Variants in HMCN1 observed in about 807,000 individuals in gnomAD.
HMCN1 encodes hemicentin 1.
In HMCN1, 321 loss-of-function variants were observed where a neutral mutation model predicts 625.9. That is an observed-to-expected ratio of 0.51 (90% CI 0.47 to 0.56). The LOEUF (loss-of-function observed/expected upper bound fraction) is 0.56, where lower values mean the gene tolerates loss of function less well. Among genes scored for constraint, HMCN1 ranks in the 20% least tolerant of loss-of-function variants. The pLI is 0.00. For missense variants in HMCN1, 6,588 were observed against 6,887.3 expected (o/e 0.96, Z 1.54); for synonymous variants, 2,425 against 2,417.6 (o/e 1.00, Z -0.09).
intron 1 of HMCN1, among the ~76,000 whole-genome samples, chr1:185,829,413 C>T (rs1342052560): frequency 6.6e-6 from 1 of 152,156 alleles, no homozygotes; most frequent in Non-Finnish European, 1.5e-5. Flanking sequence ...CCCCTCACCC[C>T]TTACCCCCCA....
In HMCN1 at chr1:186,132,504, A is replaced by T. The variant is rs750122395; in HGVS notation, c.13312+95A>T. The stretch of plus-strand genomic sequence containing the variant: ...TCTTTAACTCTATAGCAAGTTCATT[A>T]GTGGTAGCTCTCAGAGTGTGTCTAA... On this transcript the variant is annotated intron_variant, in intron 86 of 106. Transcript: ENST00000271588. The T allele has an allele frequency of 7.2e-6, 7 of 975,280 alleles. No individual in the cohort carries two copies. In the Admixed American group the frequency reaches 8.0e-5, roughly 11 times the overall value. The allele number at this position is 975,280 out of a possible 1,614,324, so 60.4% of individuals were successfully genotyped here.
In HMCN1 at chr1:186,137,605, G is replaced by T; in HGVS notation, c.13690G>T (p.Gly4564Cys). 6.2e-7 allele frequency: 1 copy of T among 1,614,000 alleles called. No individual in the cohort carries two copies. Among genetic ancestry groups the T allele is most frequent in the Non-Finnish European group, 8.5e-7 (1 of 1,179,974 alleles). ...GTGCAACCAGCCCCTTCCAGCCAAT[G>T]GTGGGAAGCCCTGCCAAGGTTCAGA... ...RLCNQPLPAN[G>C]GKPCQGSDLE... Residue 4564 changes from glycine (G) to cysteine (C), a missense_variant, in exon 88 of 107, where the codon GGT (glycine) becomes TGT (cysteine). Gly to Cys is a radical substitution (Grantham distance 159). Around this residue, in one of 3 missense-constraint regions of HMCN1, gnomAD observed 1,954 missense variants for 2,013.1 expected, o/e 0.97. Coordinates refer to ENST00000271588, the MANE Select transcript of HMCN1 (RefSeq NM_031935.3).
chr1:185,757,388 C>T (rs1192258409), intron 1 of HMCN1, among the ~76,000 whole-genome samples: 1 of 152,192 alleles, frequency 6.6e-6, no homozygotes, highest in Non-Finnish European at 1.5e-5. Flanking sequence ...TACATTTCAT[C>T]TTCCTATGAA....
rs367647117 is a variant in HMCN1 at position 186,188,026 on chromosome 1, C to T, written c.16541+17C>T. The stretch of plus-strand genomic sequence containing the variant: ...TGTTTCAGGGTATGTCTTGCCTTCT[C>T]ATCCCAGACATGCTTTTGAAAATCC... On this transcript the variant is annotated intron_variant, in intron 106 of 106. Coordinates refer to ENST00000271588, the MANE Select transcript of HMCN1 (RefSeq NM_031935.3). 5.1e-5 allele frequency: 82 copies of T among 1,613,580 alleles called. No individual in the cohort carries two copies. The highest frequency in any genetic ancestry group is 6.5e-5 in the Non-Finnish European group (77 of 1,179,682).
In HMCN1 at chr1:185,923,532, A is replaced by G. The variant is rs1177665945; in HGVS notation, c.1164A>G (p.Ile388Met). 2 of 1,612,556 alleles carry G rather than the reference A, an allele frequency of 1.2e-6. No homozygotes were observed. The highest frequency in any genetic ancestry group is 1.7e-6 in the Non-Finnish European group (2 of 1,179,052). The change falls in exon 8 of 107, where the codon ATA (isoleucine) becomes ATG (methionine). Residue 388 changes from isoleucine to methionine, a missense_variant. Physicochemically the swap from Ile to Met is conservative, Grantham distance 10. Coordinates refer to ENST00000271588, the MANE Select transcript of HMCN1 (RefSeq NM_031935.3). ...ACCCACATCGAAAACCTTATGGCAT[A>G]TGGAATATTTCTGACTTTGTACCAC... ...KYYPHRKPYG[I>M]WNISDFVPPN...
rs1192768872 is a variant in HMCN1 at position 185,901,045 on chromosome 1, T to G, written c.622-8292T>G. On this transcript the variant is annotated intron_variant, in intron 4 of 106. Transcript: ENST00000271588. ...ACCAGCACTTCTATTGGGAAATTAATTTAATAAAGAAAATTCTATTAAATG... is the reference window on the plus strand; with the variant it reads ...ACCAGCACTTCTATTGGGAAATTAAGTTAATAAAGAAAATTCTATTAAATG... Among the ~76,000 whole-genome samples the G allele has an allele frequency of 1.1e-4, 16 of 152,046 alleles. No individual in the cohort carries two copies. The East Asian group carries it at 2.9e-3, about 28-fold the overall frequency.
At position 186,093,126 on chromosome 1, in the gene HMCN1, T is replaced by C; in HGVS notation, c.9888-8T>C. 2 of 1,613,180 alleles carry C rather than the reference T, an allele frequency of 1.2e-6. No homozygotes were observed. Among genetic ancestry groups the C allele is most frequent in the Non-Finnish European group, 1.7e-6 (2 of 1,179,412 alleles). On this transcript the variant is annotated splice_region_variant and splice_polypyrimidine_tract_variant and intron_variant, in intron 64 of 106. Transcript: ENST00000271588. ...ATCTCAGCCCCTCTGTTATGATCTT[T>C]TCCGTAGAGTGAGTGCAAATGGCAG...
At chr1:185,883,988 A>C (rs1664476310) in intron 4 of HMCN1, among the ~76,000 whole-genome samples, 1 of 150,222 alleles carries the variant, frequency 6.7e-6, no homozygotes, top group African/African-American at 2.4e-5. Flanking sequence ...TGTTCATTTA[A>C]AAATCATTGG....
intron 1 of HMCN1, among the ~76,000 whole-genome samples, chr1:185,843,839 C>G (rs1010576208): frequency 6.6e-6 from 1 of 152,006 alleles, no homozygotes; most frequent in Non-Finnish European, 1.5e-5. Flanking sequence ...TTGTTGAAAA[C>G]AGGTGTATAT....
rs142125356 is a variant in HMCN1, at chr1:185,794,901, T to A, written c.269-51125T>A. Among the ~76,000 whole-genome samples, 301 of 152,348 alleles carry A rather than the reference T, an allele frequency of 2.0e-3. 1 individual carries two copies. The Middle Eastern group carries it at 0.027, about 14-fold the overall frequency. On this transcript the variant is annotated intron_variant, in intron 1 of 106. Transcript: ENST00000271588. ...AAGTAGTGCCACTATATTTATATAT[T>A]CTCTGTATATTTGGGGTAGAAATTT...
intron 4 of HMCN1, among the ~76,000 whole-genome samples, chr1:185,899,331 AT>A (rs1403989409): frequency 6.6e-5 from 10 of 152,236 alleles, no homozygotes; most frequent in Non-Finnish European, 1.2e-4. Context: ...GAATATTACA[AT>A]TTTTTTGTCA....
chr1:186,074,683 G>A (rs1466277384), intron 52 of HMCN1, 58 bp from the exon 53 acceptor site: 1 of 1,466,124 alleles, frequency 6.8e-7, no homozygotes, highest in Non-Finnish European at 9.5e-7. Flanking sequence ...CAACTGCATG[G>A]CCTCTTAGAG....
At chr1:185,873,861 A>T (rs1365205651) in intron 4 of HMCN1, among the ~76,000 whole-genome samples, 1 of 152,010 alleles carries the variant, frequency 6.6e-6, no homozygotes, top group Admixed American at 6.6e-5. Context: ...ATCTCTAGAC[A>T]TAGAAGATCT....
chr1:185,819,237 C>CAAAAAAAAAAAAAAAA lies in HMCN1; in HGVS notation c.269-26775_269-26774insAAAAAAAAAAAAAAAA, dbSNP rs575598587. ...GGGCAACAAGAGCGAATCTCCATCTCAAAAAAAAAAAAAAGGACCTGCTGC... is the reference window on the plus strand; with the variant it reads ...GGGCAACAAGAGCGAATCTCCATCTCAAAAAAAAAAAAAAAAAAAAAAAAAAAAAAGGACCTGCTGC... On this transcript the variant is annotated intron_variant, in intron 1 of 106. Coordinates refer to ENST00000271588, the MANE Select transcript of HMCN1 (RefSeq NM_031935.3). Among the ~76,000 whole-genome samples the CAAAAAAAAAAAAAAAA allele has an allele frequency of 3.0e-4, 37 of 125,118 alleles. 1 individual carries two copies. Among genetic ancestry groups the CAAAAAAAAAAAAAAAA allele is most frequent in the African/African-American group, 1.0e-3 (36 of 34,334 alleles). The allele number at this position is 125,118 out of a possible 152,430, so 82.1% of individuals were successfully genotyped here. A position where few individuals can be genotyped will look rare whatever the true frequency, so the allele number is the denominator to read the frequency against.
intron 29 of HMCN1, 81 bp from the exon 30 acceptor site, chr1:186,007,047 T>C: frequency 1.9e-6 from 2 of 1,035,064 alleles, no homozygotes; most frequent in Non-Finnish European, 1.5e-6. Context: ...TTTTAGCCTG[T>C]ACTAATGATT....
chr1:185,928,407 A>G, intron 9 of HMCN1, 139 bp from the exon 10 acceptor site: 1 of 709,374 alleles, frequency 1.4e-6, no homozygotes, highest in Non-Finnish European at 2.4e-6. Flanking sequence ...TTTTAAGTTA[A>G]AAAGAACTCT....
At chr1:186,133,165 T>C (rs1386514842) in intron 86 of HMCN1, among the ~76,000 whole-genome samples, 2 of 152,112 alleles carry the variant, frequency 1.3e-5, no homozygotes, top group Non-Finnish European at 2.9e-5. Context: ...CATTACTGGG[T>C]ATATACCCAA....
intron 1 of HMCN1, among the ~76,000 whole-genome samples, chr1:185,757,338 G>A (rs568610178): frequency 7.9e-5 from 12 of 152,068 alleles, no homozygotes; most frequent in South Asian, 2.1e-4. Flanking sequence ...TGGCCCGATC[G>A]CCTCTCTCTG....
At chr1:186,025,499 GA>G (rs1191446238) in intron 36 of HMCN1, among the ~76,000 whole-genome samples, 2 of 152,188 alleles carry the variant, frequency 1.3e-5, no homozygotes, top group Admixed American at 6.5e-5. Flanking sequence ...CCCGTGTTTG[GA>G]AAAACATTGG....
Sources: allele counts gnomAD v4.1 joint callset (sites outside exome capture counted in the v4.1 genomes callset), GRCh38; gene constraint gnomAD v4.1.1; regional missense constraint gnomAD v4.1.1; transcripts MANE v1.5; gene names NCBI Gene and HGNC (gene_info 2026-07-23, HGNC 2026-07-21).